Variants in FHOD3 observed in about 807,000 individuals in gnomAD.
The protein encoded by FHOD3 is formin homology 2 domain containing 3.
In FHOD3, 90 loss-of-function variants were observed where a neutral mutation model predicts 173.0. The ratio of observed to expected loss-of-function variants is 0.52; its 90% CI spans 0.44 to 0.62. FHOD3 has a LOEUF of 0.62. FHOD3 is among the 20% of genes least tolerant of loss of function. FHOD3 has a pLI of 0.00. For synonymous variants in FHOD3, 828 were observed against 823.0 expected, an observed-to-expected ratio of 1.01 and a Z score of -0.10; for missense variants, 1,945 against 2,034.7, an observed-to-expected ratio of 0.96 and a Z score of 0.85.
intron 3 of FHOD3, among the ~76,000 whole-genome samples, chr18:36,417,101 T>C (rs1358745927): frequency 6.6e-6 from 1 of 152,204 alleles, no homozygotes; most frequent in Non-Finnish European, 1.5e-5. Context: ...GGAGTACGTG[T>C]GCAGGTTTGT....
At chr18:36,769,047 C>T (rs944758782) in intron 27 of FHOD3, among the ~76,000 whole-genome samples, 2 of 152,166 alleles carry the variant, frequency 1.3e-5, no homozygotes, top group Non-Finnish European at 2.9e-5. Flanking sequence ...TATGGGTTTG[C>T]TCAGAGCCTG....
intron 3 of FHOD3, among the ~76,000 whole-genome samples, chr18:36,458,801 T>C (rs946580263): frequency 6.6e-6 from 1 of 152,084 alleles, no homozygotes; most frequent in Admixed American, 6.6e-5. Flanking sequence ...TTTCTTTTAA[T>C]TTTCAAATAT....
At chr18:36,641,338 G>A (rs1425193177) in intron 10 of FHOD3, among the ~76,000 whole-genome samples, 3 of 152,212 alleles carry the variant, frequency 2.0e-5, no homozygotes, top group East Asian at 3.8e-4. Flanking sequence ...AAGGGAAAGT[G>A]GAAGACGAAG....
chr18:36,463,942 T>G (rs1390131378), intron 3 of FHOD3, among the ~76,000 whole-genome samples: 1 of 152,244 alleles, frequency 6.6e-6, no homozygotes. Flanking sequence ...TGTTAAATAA[T>G]AAAATACTCA....
chr18:36,319,241 G>A (rs1402601996), intron 1 of FHOD3, among the ~76,000 whole-genome samples: 1 of 152,086 alleles, frequency 6.6e-6, no homozygotes. Flanking sequence ...CACGTGAAAA[G>A]ACACACATAG....
intron 5 of FHOD3, among the ~76,000 whole-genome samples, chr18:36,516,927 T>G (rs959297493): frequency 1.3e-5 from 2 of 151,920 alleles, no homozygotes; most frequent in African/African-American, 4.8e-5. Context: ...TCCAGGACTT[T>G]CCCAGATCTG....
chr18:36,374,785 G>C (rs1351643873), intron 3 of FHOD3, among the ~76,000 whole-genome samples: 1 of 152,190 alleles, frequency 6.6e-6, no homozygotes, highest in Non-Finnish European at 1.5e-5. Flanking sequence ...AGGTAGACCG[G>C]CATGTTTTGC....
chr18:36,654,549 G>A (rs996539507), intron 13 of FHOD3, among the ~76,000 whole-genome samples: 8 of 152,084 alleles, frequency 5.3e-5, no homozygotes, highest in Non-Finnish European at 1.2e-4. Flanking sequence ...CCAGTCCTTA[G>A]TCAAATGAGA....
intron 3 of FHOD3, among the ~76,000 whole-genome samples, chr18:36,430,790 T>C (rs1057270281): frequency 1.3e-5 from 2 of 152,184 alleles, no homozygotes; most frequent in Admixed American, 1.3e-4. Context: ...CTCTTGTAAA[T>C]ATCTGTTTGG....
intron 2 of FHOD3, among the ~76,000 whole-genome samples, chr18:36,364,764 A>G (rs1598849827): frequency 3.9e-5 from 6 of 152,358 alleles, no homozygotes; most frequent in African/African-American, 1.4e-4. Flanking sequence ...AACCAGCAGC[A>G]TCTGCCTCCG....
At chr18:36,674,245 C>CACAGCCTCAGTGCAGTG (rs113529677) in intron 14 of FHOD3, among the ~76,000 whole-genome samples, 1 of 152,208 alleles carries the variant, frequency 6.6e-6, no homozygotes, top group East Asian at 1.9e-4. Context: ...TGTTTTCTGT[C>CACAGCCTCAGTGCAGTG]ACAGCCTCAG....
At chr18:36,527,583 CTG>C (rs2056584552) in intron 5 of FHOD3, among the ~76,000 whole-genome samples, 1 of 152,288 alleles carries the variant, frequency 6.6e-6, no homozygotes, top group African/African-American at 2.4e-5. Flanking sequence ...CATAGGGCCA[CTG>C]TTATCTGACA....
intron 6 of FHOD3, among the ~76,000 whole-genome samples, chr18:36,585,446 A>AG (rs2058996110): frequency 1.3e-5 from 2 of 152,176 alleles, no homozygotes; most frequent in African/African-American, 2.4e-5. Context: ...TAATCTCAGT[A>AG]GGAAAAAAAA....
In FHOD3 at chr18:36,390,876, GATCAATCACCTGTA is replaced by G. The variant is rs2048271446; in HGVS notation, c.337+18136_337+18149del. 2.0e-5 allele frequency among the ~76,000 whole-genome samples: 3 copies of G among 152,292 alleles called. No individual in the cohort carries two copies. In the South Asian group the frequency reaches 6.2e-4, roughly 32 times the overall value. ...GGAGAAATAACGAGTGGTCCACATGGATCAATCACCTGTAATCCGTAAATGAATCCAACCTGGAA... is the reference window on the plus strand; with the variant it reads ...GGAGAAATAACGAGTGGTCCACATGGATCCGTAAATGAATCCAACCTGGAA... On this transcript the variant is annotated intron_variant, in intron 3 of 28. Transcript: ENST00000590592.
At chr18:36,746,024 C>T (rs2042142228) in intron 23 of FHOD3, among the ~76,000 whole-genome samples, 1 of 152,076 alleles carries the variant, frequency 6.6e-6, no homozygotes, top group Admixed American at 6.5e-5. Flanking sequence ...CTTTCCCCAT[C>T]CCTTTGTTAA....
chr18:36,474,850 G>A (rs1568320381), intron 3 of FHOD3, among the ~76,000 whole-genome samples: 1 of 152,114 alleles, frequency 6.6e-6, no homozygotes, highest in Non-Finnish European at 1.5e-5. Flanking sequence ...GCTGGAATGA[G>A]CCCTCTGGAC....
intron 14 of FHOD3, among the ~76,000 whole-genome samples, chr18:36,660,219 A>T (rs531462175): frequency 6.6e-6 from 1 of 152,240 alleles, no homozygotes; most frequent in Admixed American, 6.5e-5. Flanking sequence ...CAGTGAGCCG[A>T]GATTGTGCCA....
chr18:36,443,726 A>T lies in FHOD3; in HGVS notation c.338-58206A>T, dbSNP rs542054210. 2.2e-4 allele frequency among the ~76,000 whole-genome samples: 34 copies of T among 152,292 alleles called. No individual in the cohort carries two copies. In the South Asian group the frequency reaches 6.8e-3, roughly 31 times the overall value. On this transcript the variant is annotated intron_variant, in intron 3 of 28. Coordinates refer to ENST00000590592, the MANE Select transcript of FHOD3 (RefSeq NM_001281740.3). Reference sequence around the variant, plus strand: ...CCTCCTGAGATCACGGAGCTAGGAAATACAGCTATATACAAATATATGCAT... The same window carrying T: ...CCTCCTGAGATCACGGAGCTAGGAATTACAGCTATATACAAATATATGCAT...
chr18:36,749,107 T>G (rs995420532), intron 24 of FHOD3, among the ~76,000 whole-genome samples: 1 of 152,184 alleles, frequency 6.6e-6, no homozygotes, highest in Non-Finnish European at 1.5e-5. Flanking sequence ...AAGGTGTCTC[T>G]TTGGGTAAAA....
Sources: allele counts gnomAD v4.1 joint callset (sites outside exome capture counted in the v4.1 genomes callset), GRCh38; gene constraint gnomAD v4.1.1; transcripts MANE v1.5; gene names NCBI Gene and HGNC (gene_info 2026-07-23, HGNC 2026-07-21).